The following NRG4 variants were observed in gnomAD, a reference collection of about 807,000 sequenced individuals.
NRG4 encodes pro-neuregulin-4, membrane-bound isoform.
Under a neutral mutation model 15.0 loss-of-function variants are expected in NRG4, and 10 were observed. That is an observed-to-expected ratio of 0.67 (90% CI 0.41 to 1.13). The LOEUF is 1.13. Ranked by LOEUF, NRG4 falls within the 50% of genes most tolerant of loss-of-function variation. The probability of loss-of-function intolerance (pLI) is 0.00; values close to 1 mark genes in which losing one functional copy is unlikely to be tolerated. For synonymous variants in NRG4, 41 were observed against 50.1 expected, an observed-to-expected ratio of 0.82 and a Z score of 0.77; for missense variants, 139 against 140.2, an observed-to-expected ratio of 0.99 and a Z score of 0.04.
At chr15:76,023,787 G>A (rs1390497990) in intron 5 of NRG4, among the ~76,000 whole-genome samples, 1 of 152,180 alleles carries the variant, frequency 6.6e-6, no homozygotes. Context: ...TGCAAATCTG[G>A]TCCTACACAG....
intron 5 of NRG4, among the ~76,000 whole-genome samples, chr15:76,020,360 G>A (rs1266499307): frequency 6.6e-6 from 1 of 152,206 alleles, no homozygotes; most frequent in East Asian, 1.9e-4. Flanking sequence ...AGAAAGGTAA[G>A]ATAGGCCTCT....
chr15:76,000,431 C>G (rs955501660), intron 3 of NRG4, among the ~76,000 whole-genome samples: 1 of 152,074 alleles, frequency 6.6e-6, no homozygotes, highest in African/African-American at 2.4e-5. Flanking sequence ...ATTTAAACAA[C>G]TGAACTATGC....
intron 3 of NRG4, among the ~76,000 whole-genome samples, chr15:75,997,080 C>T (rs2034242199): frequency 6.6e-6 from 1 of 151,652 alleles, no homozygotes; most frequent in African/African-American, 2.4e-5. Flanking sequence ...CTTGAGATTT[C>T]CAGAGAGCTG....
chr15:76,006,966 C>A (rs1171150068), intron 3 of NRG4, among the ~76,000 whole-genome samples: 1 of 152,038 alleles, frequency 6.6e-6, no homozygotes, highest in Non-Finnish European at 1.5e-5. Context: ...AGTACTCTGT[C>A]CACAATGCCA....
intron 3 of NRG4, among the ~76,000 whole-genome samples, chr15:75,975,138 T>C (rs952097680): frequency 6.6e-6 from 1 of 152,220 alleles, no homozygotes; most frequent in African/African-American, 2.4e-5. Flanking sequence ...CTTTGTTGGT[T>C]TAAAGGCTGT....
chr15:75,999,853 T>C (rs539454966), intron 3 of NRG4, among the ~76,000 whole-genome samples: 1 of 152,106 alleles, frequency 6.6e-6, no homozygotes, highest in African/African-American at 2.4e-5. Context: ...ATGGGTAACA[T>C]AGTAAGACCT....
intron 5 of NRG4, among the ~76,000 whole-genome samples, chr15:75,953,912 C>T (rs1408574477): frequency 6.6e-6 from 1 of 152,192 alleles, no homozygotes; most frequent in Non-Finnish European, 1.5e-5. Flanking sequence ...GTCTCAAACT[C>T]TTCGGTTCAA....
chr15:75,959,576 T>C (rs2032415865), intron 4 of NRG4, among the ~76,000 whole-genome samples: 2 of 152,118 alleles, frequency 1.3e-5, no homozygotes, highest in Non-Finnish European at 2.9e-5. Flanking sequence ...GCTCACTGCA[T>C]CTCAAACTCC....
At chr15:76,045,373 T>A (rs2035846283) in intron 4 of NRG4, among the ~76,000 whole-genome samples, 1 of 150,920 alleles carries the variant, frequency 6.6e-6, no homozygotes, top group African/African-American at 2.5e-5. Flanking sequence ...TGGAGGTTCC[T>A]TAAAAAACTA....
At chr15:75,946,083 T>C (rs1310201050) in intron 5 of NRG4, among the ~76,000 whole-genome samples, 1 of 152,190 alleles carries the variant, frequency 6.6e-6, no homozygotes, top group Non-Finnish European at 1.5e-5. Context: ...GGCTACTAAG[T>C]AGCTAATGGG....
chr15:76,001,494 A>C (rs921168736), intron 3 of NRG4, among the ~76,000 whole-genome samples: 1 of 152,214 alleles, frequency 6.6e-6, no homozygotes, highest in Admixed American at 6.5e-5. Flanking sequence ...TCCAGTTCTC[A>C]GTCACACTAG....
downstream of NRG4, chr15:75,938,395 C>T (rs2030587798): frequency 6.6e-6 from 1 of 151,974 alleles, no homozygotes; most frequent in Admixed American, 6.6e-5. Flanking sequence ...AATCACAAAC[C>T]ATACAAAGGA....
At chr15:76,042,218 A>C (rs1247109709) in intron 4 of NRG4, among the ~76,000 whole-genome samples, 1 of 152,146 alleles carries the variant, frequency 6.6e-6, no homozygotes, top group East Asian at 1.9e-4. Flanking sequence ...AAGCACCTAC[A>C]TTTAAAAAGT....
In NRG4 at chr15:75,977,616, G is replaced by T. The variant is rs56325618; in HGVS notation, c.105-15642C>A. 0.036 allele frequency among the ~76,000 whole-genome samples: 5,439 copies of T among 152,242 alleles called. 171 individuals carry two copies. The highest frequency in any genetic ancestry group is 0.081 in the African/African-American group (3,367 of 41,516). On this transcript the variant is annotated intron_variant, in intron 3 of 5. Transcript: ENST00000394907. The surrounding 1 kb of genome is among the most constrained non-coding windows in gnomAD (Gnocchi z 4.9). ...CCTGGGTGAGGTGACACCCCACCCT[G>T]CTTCGGCTCACCCTCTGTGGGCTGC...
chr15:76,019,281 G>A (rs1255079498), intron 5 of NRG4, among the ~76,000 whole-genome samples: 2 of 152,130 alleles, frequency 1.3e-5, no homozygotes, highest in African/African-American at 2.4e-5. Context: ...GTGGGGGTGG[G>A]ATCTGCTGAG....
intron 4 of NRG4, among the ~76,000 whole-genome samples, chr15:76,040,313 ATG>A (rs2035701313): frequency 6.6e-6 from 1 of 152,172 alleles, no homozygotes; most frequent in Non-Finnish European, 1.5e-5. Flanking sequence ...GAATAGTATA[ATG>A]TATCCAGCAA....
intron 5 of NRG4, among the ~76,000 whole-genome samples, chr15:76,030,868 AT>A (rs2035455221): frequency 6.6e-6 from 1 of 152,214 alleles, no homozygotes; most frequent in African/African-American, 2.4e-5. Flanking sequence ...AAGAATGAAC[AT>A]TTCCCAACTC....
chr15:76,033,703 G>A (rs550061966), intron 5 of NRG4, among the ~76,000 whole-genome samples: 1 of 152,210 alleles, frequency 6.6e-6, no homozygotes, highest in African/African-American at 2.4e-5. Context: ...TTAACTTTTT[G>A]TACTCATTTT....
chr15:76,010,767 T>C (rs970839809), intron 2 of NRG4, among the ~76,000 whole-genome samples: 1 of 152,118 alleles, frequency 6.6e-6, no homozygotes, highest in Admixed American at 6.5e-5. Context: ...CGTCATCATA[T>C]ATGGTTTTCC....
Sources: gnomAD v4.1 joint callset for allele counts (sites outside exome capture counted in the v4.1 genomes callset) on GRCh38, gnomAD v4.1.1 for gene constraint, Gnocchi (gnomAD v3.1) non-coding constraint, MANE v1.5 for transcripts, NCBI Gene and HGNC (gene_info 2026-07-23, HGNC 2026-07-21) for gene names.